The following MSR1 variants were observed in gnomAD, a reference collection of about 807,000 sequenced individuals.
The protein encoded by MSR1 is macrophage scavenger receptor 1.
Under a neutral mutation model 47.2 loss-of-function variants are expected in MSR1, and 53 were observed. The ratio of observed to expected loss-of-function variants is 1.12; its 90% CI spans 0.90 to 1.41. The LOEUF (loss-of-function observed/expected upper bound fraction) is 1.41. Ranked by LOEUF, MSR1 falls within the 40% of genes most tolerant of loss-of-function variation. The pLI, the probability that MSR1 is intolerant of heterozygous loss-of-function variation, is 0.00. For missense variants in MSR1, 786 were observed against 546.9 expected, an observed-to-expected ratio of 1.44 and a Z score of -4.36; for synonymous variants, 239 against 185.6, an observed-to-expected ratio of 1.29 and a Z score of -2.34.
intron 9 of MSR1, among the ~76,000 whole-genome samples, chr8:16,110,947 T>A (rs1273832226): frequency 6.6e-6 from 1 of 152,046 alleles, no homozygotes; most frequent in Non-Finnish European, 1.5e-5. Context: ...TTTATAACAG[T>A]ATTGAGGCTT....
chr8:16,140,516 C>G (rs184250394), intron 8 of MSR1: 1 of 994,418 alleles, frequency 1.0e-6, no homozygotes, highest in African/African-American at 1.7e-5. Context: ...TACCAAACCA[C>G]ATATTGGTAA....
intron 2 of MSR1, among the ~76,000 whole-genome samples, chr8:16,177,387 A>G (rs149461359): frequency 3.3e-5 from 5 of 152,158 alleles, no homozygotes; most frequent in African/African-American, 1.2e-4. Context: ...AGAGGCAAGG[A>G]ACACTAAGGA....
chr8:16,180,549 G>T (rs1801798591), intron 1 of MSR1, among the ~76,000 whole-genome samples: 1 of 152,154 alleles, frequency 6.6e-6, no homozygotes. Context: ...TTAGCATAAA[G>T]CCAACATCTT....
intron 1 of MSR1, among the ~76,000 whole-genome samples, chr8:16,180,581 G>T (rs567824114): frequency 2.6e-4 from 40 of 152,086 alleles, no homozygotes; most frequent in Non-Finnish European, 5.3e-4. Context: ...TTATTTTCTT[G>T]AATGCTGTGT....
intron 8 of MSR1, among the ~76,000 whole-genome samples, chr8:16,129,977 A>C (rs1585143736): frequency 1.3e-5 from 2 of 152,158 alleles, no homozygotes; most frequent in East Asian, 3.9e-4. Flanking sequence ...CTATGGAGGA[A>C]AGGGAAGTGG....
rs373381372 is a variant in MSR1 at position 16,155,019 on chromosome 8, C to A, written c.898+45G>T. On this transcript the variant is annotated intron_variant, in intron 6 of 9. Coordinates refer to ENST00000262101, the MANE Select transcript of MSR1 (RefSeq NM_138715.3). ...CCTACACATGTACCTGGATGTATATCATCTATCTTCACAGTATATGATTAA... is the reference window on the plus strand; with the variant it reads ...CCTACACATGTACCTGGATGTATATAATCTATCTTCACAGTATATGATTAA... 1,705 of 1,483,440 alleles carry A rather than the reference C, an allele frequency of 1.1e-3. 4 individuals are homozygous for A. Among genetic ancestry groups the A allele is most frequent in the Non-Finnish European group, 1.4e-3 (1,531 of 1,063,144 alleles). The allele number at this position is 1,483,440 out of a possible 1,614,324, so 91.9% of individuals were successfully genotyped here.
chr8:16,123,975 C>A (rs979168765), intron 8 of MSR1, among the ~76,000 whole-genome samples: 1 of 152,136 alleles, frequency 6.6e-6, no homozygotes, highest in East Asian at 1.9e-4. Flanking sequence ...TAGAACATGT[C>A]TGTTAACAGC....
At chr8:16,131,376 C>T (rs957531921) in intron 8 of MSR1, among the ~76,000 whole-genome samples, 7 of 145,296 alleles carry the variant, frequency 4.8e-5, no homozygotes, top group African/African-American at 1.8e-4. Flanking sequence ...GGATATTAGA[C>T]ATTTTTTGAT....
At chr8:16,172,017 C>A (rs969231947) in intron 3 of MSR1, among the ~76,000 whole-genome samples, 2 of 152,138 alleles carry the variant, frequency 1.3e-5, no homozygotes, top group African/African-American at 4.8e-5. Context: ...TATTTGGATT[C>A]AAGATGTGTG....
At chr8:16,123,732 A>G (rs1800064030) in intron 8 of MSR1, among the ~76,000 whole-genome samples, 1 of 152,176 alleles carries the variant, frequency 6.6e-6, no homozygotes, top group South Asian at 2.1e-4. Context: ...GTGAAAAAAC[A>G]GAAACAGAAA....
intron 9 of MSR1, among the ~76,000 whole-genome samples, chr8:16,115,735 T>C (rs12678335): frequency 0.048 from 7,267 of 152,168 alleles, 279 homozygotes; most frequent in East Asian, 0.13. Flanking sequence ...TCCAGTACTT[T>C]GGGAGGCTGA....
At chr8:16,156,884 G>T (rs1448138668) in intron 5 of MSR1, among the ~76,000 whole-genome samples, 1 of 151,896 alleles carries the variant, frequency 6.6e-6, no homozygotes, top group African/African-American at 2.4e-5. Flanking sequence ...ATTCCCTGCA[G>T]AAGAATGTAG....
intron 4 of MSR1, among the ~76,000 whole-genome samples, chr8:16,166,856 G>A (rs1309989974): frequency 6.6e-6 from 1 of 151,884 alleles, no homozygotes. Flanking sequence ...CCTACATTGA[G>A]CTAAAGATTC....
intron 5 of MSR1, among the ~76,000 whole-genome samples, chr8:16,160,598 A>C (rs773743170): frequency 2.0e-5 from 3 of 151,980 alleles, no homozygotes; most frequent in Admixed American, 6.6e-5. Context: ...AACTATGAGG[A>C]AATTAAAGCA....
chr8:16,147,019 G>T (rs1435237201), intron 7 of MSR1, among the ~76,000 whole-genome samples: 2 of 152,052 alleles, frequency 1.3e-5, no homozygotes, highest in Non-Finnish European at 2.9e-5. Flanking sequence ...TACCCTGAGG[G>T]AAACAATAAG....
intron 5 of MSR1, among the ~76,000 whole-genome samples, chr8:16,157,796 T>G (rs1801052280): frequency 1.3e-5 from 2 of 151,974 alleles, no homozygotes; most frequent in South Asian, 4.1e-4. Flanking sequence ...ACAGCTGGAC[T>G]ATTGCTAGAG....
At chr8:16,169,059 T>C (rs896373079) in intron 3 of MSR1, among the ~76,000 whole-genome samples, 189 bp from the exon 4 acceptor site, 4 of 152,210 alleles carry the variant, frequency 2.6e-5, no homozygotes, top group African/African-American at 9.6e-5. Flanking sequence ...CTGAGAAGCA[T>C]ACATTCTCCC....
At chr8:16,167,234 T>C (rs1401699449) in intron 4 of MSR1, among the ~76,000 whole-genome samples, 1 of 152,126 alleles carries the variant, frequency 6.6e-6, no homozygotes, top group Non-Finnish European at 1.5e-5. Flanking sequence ...CAATTCCTCA[T>C]GTTTGGGTTC....
At chr8:16,152,663 C>T (rs1800892810) in intron 6 of MSR1, among the ~76,000 whole-genome samples, 1 of 152,006 alleles carries the variant, frequency 6.6e-6, no homozygotes, top group South Asian at 2.1e-4. Context: ...TCTTAGATGG[C>T]CCACACAAAG....
Sources: allele counts gnomAD v4.1 joint callset (sites outside exome capture counted in the v4.1 genomes callset), GRCh38; gene constraint gnomAD v4.1.1; transcripts MANE v1.5; gene names NCBI Gene and HGNC (gene_info 2026-07-23, HGNC 2026-07-21).